ADNP: variants seen among roughly 807,000 people sequenced by gnomAD.
ADNP encodes the protein activity-dependent neuroprotector homeobox protein.
In ADNP, 4 loss-of-function variants were observed where a neutral mutation model predicts 84.9. The ratio of observed to expected loss-of-function variants is 0.05; its 90% CI spans 0.02 to 0.11. The LOEUF (loss-of-function observed/expected upper bound fraction) is 0.11, where lower values mean the gene tolerates loss of function less well. ADNP is among the 10% of genes least tolerant of loss of function. The pLI is 1.00. For synonymous variants in ADNP, 554 were observed against 468.1 expected (o/e 1.18, Z -2.37); for missense variants, 1,132 against 1,326.0 (o/e 0.85, Z 2.27).
At position 50,894,525 on chromosome 20, in the gene ADNP, C is replaced by T. The variant is rs759932155; in HGVS notation, c.202-13G>A. ...TTGTCCGATAGTCCTAAAGTAAACACAAAAACTAGAATTAGAATGCCACTT... is the reference window on the plus strand; with the variant it reads ...TTGTCCGATAGTCCTAAAGTAAACATAAAAACTAGAATTAGAATGCCACTT... On this transcript the variant is annotated splice_polypyrimidine_tract_variant and intron_variant, in intron 5 of 5. Coordinates refer to ENST00000621696, the MANE Select transcript of ADNP (RefSeq NM_001282531.3). 9.6e-6 allele frequency: 15 copies of T among 1,559,322 alleles called. No individual in the cohort carries two copies. In the Middle Eastern group the frequency reaches 5.2e-4, roughly 54 times the overall value.
chr20:50,914,002 C>G, intron 2 of ADNP: 3 of 752,498 alleles, frequency 4.0e-6, no homozygotes, highest in Non-Finnish European at 5.0e-6. Flanking sequence ...AAAAGCCCTT[C>G]TGGGAAAAGG....
intron 2 of ADNP, among the ~76,000 whole-genome samples, chr20:50,919,009 A>G (rs1442660818): frequency 1.3e-5 from 2 of 152,154 alleles, no homozygotes; most frequent in Non-Finnish European, 2.9e-5. Context: ...AAAGTTCATC[A>G]CAGGTGATTT....
chr20:50,921,309 A>G (rs1309389965), intron 2 of ADNP, among the ~76,000 whole-genome samples: 3 of 152,288 alleles, frequency 2.0e-5, no homozygotes, highest in Admixed American at 2.0e-4. Flanking sequence ...TTTTTATACA[A>G]TATTTTACAT....
In ADNP at chr20:50,889,929, G is replaced by A. The variant is rs566404407; in HGVS notation, c.*1476C>T. 27 of 397,274 alleles carry A rather than the reference G, an allele frequency of 6.8e-5. No individual in the cohort carries two copies. Among genetic ancestry groups the A allele is most frequent in the Admixed American group, 1.3e-4 (3 of 22,592 alleles). The allele number at this position is 397,274 out of a possible 1,614,324, so 24.6% of individuals were successfully genotyped here. On this transcript the variant is annotated 3_prime_UTR_variant, in exon 6 of 6. Transcript: ENST00000621696. Reference sequence around the variant, plus strand: ...CGCCTGCACTACAGTTGTTCCCATCGTAAGGTGAAAACGAACGTTTAACTT... The same window carrying A: ...CGCCTGCACTACAGTTGTTCCCATCATAAGGTGAAAACGAACGTTTAACTT...
At chr20:50,894,625 T>G in intron 5 of ADNP, 113 bp from the exon 6 acceptor site, 3 of 1,163,470 alleles carry the variant, frequency 2.6e-6, no homozygotes, top group Non-Finnish European at 3.5e-6. Flanking sequence ...CCGCGCGTGG[T>G]GGCTCACGCC....
chr20:50,919,375 T>TG (rs1198118596), intron 2 of ADNP, among the ~76,000 whole-genome samples: 1 of 148,136 alleles, frequency 6.8e-6, no homozygotes, highest in East Asian at 2.0e-4. Context: ...GAGGCTGAGG[T>TG]GGGAGAATGG....
intron 2 of ADNP, chr20:50,914,498 CTCACCT>C (rs946149175): frequency 2.7e-5 from 9 of 329,850 alleles, no homozygotes; most frequent in Non-Finnish European, 5.2e-5. Context: ...CAAATGTTTT[CTCACCT>C]TCAAAGTCTT....
At chr20:50,898,316 A>G (rs1981619139) in intron 5 of ADNP, among the ~76,000 whole-genome samples, 3 of 152,144 alleles carry the variant, frequency 2.0e-5, no homozygotes, top group Admixed American at 2.0e-4. Flanking sequence ...AGTCAATTCA[A>G]CATCACAGCC....
chr20:50,929,078 T>G (rs1176290880), intron 1 of ADNP, among the ~76,000 whole-genome samples: 3 of 152,244 alleles, frequency 2.0e-5, no homozygotes, highest in African/African-American at 7.2e-5. Context: ...ATCTACACAC[T>G]TAATCCAACA....
chr20:50,915,450 T>C (rs1179560452), intron 2 of ADNP, among the ~76,000 whole-genome samples: 1 of 152,214 alleles, frequency 6.6e-6, no homozygotes, highest in Non-Finnish European at 1.5e-5. Flanking sequence ...AGCTTTAAGA[T>C]TGAGAGCCTA....
In ADNP at chr20:50,892,738, T is replaced by C; in HGVS notation, c.1976A>G (p.Lys659Arg). 1 of 1,614,212 alleles carries C rather than the reference T, an allele frequency of 6.2e-7. No individual in the cohort carries two copies. Among genetic ancestry groups the C allele is most frequent in the Non-Finnish European group, 8.5e-7 (1 of 1,180,038 alleles). ...VIQTVHPVEK[K>R]LTYKCIHCLG... ...GCAATGGATACATTTGTAGGTGAGC[T>C]TTTTCTCAACTGGATGAACCGTCTG... Residue 659 changes from lysine to arginine, a missense_variant, in exon 6 of 6, where the codon AAG becomes AGG. Transcript: ENST00000621696.
At chr20:50,907,507 T>A (rs1267082145) in intron 2 of ADNP, among the ~76,000 whole-genome samples, 2 of 152,114 alleles carry the variant, frequency 1.3e-5, no homozygotes, top group Non-Finnish European at 2.9e-5. Flanking sequence ...CCTCAGGTGA[T>A]CCACCTGCCT....
intron 2 of ADNP, among the ~76,000 whole-genome samples, chr20:50,922,956 C>A (rs1296019657): frequency 1.3e-5 from 2 of 152,130 alleles, no homozygotes; most frequent in African/African-American, 2.4e-5. Context: ...AACACCCTCT[C>A]TCTAGAGAGG....
chr20:50,922,557 C>T (rs1201689437), intron 2 of ADNP, among the ~76,000 whole-genome samples: 4 of 148,918 alleles, frequency 2.7e-5, no homozygotes, highest in Non-Finnish European at 5.9e-5. Context: ...TCTGGAAGCT[C>T]TCTGAACCCA....
At chr20:50,900,508 T>G (rs1423650839) in intron 5 of ADNP, among the ~76,000 whole-genome samples, 1 of 152,196 alleles carries the variant, frequency 6.6e-6, no homozygotes, top group Admixed American at 6.5e-5. Context: ...AGCACAGGTG[T>G]GTTTACATTA....
intron 1 of ADNP, among the ~76,000 whole-genome samples, chr20:50,929,565 A>T (rs1451360624): frequency 5.9e-5 from 9 of 152,192 alleles, no homozygotes; most frequent in Admixed American, 5.9e-4. Context: ...TACCCAGTGC[A>T]GAGAATGCGC....
chr20:50,926,440 T>A (rs1314630761), intron 2 of ADNP, among the ~76,000 whole-genome samples: 1 of 152,252 alleles, frequency 6.6e-6, no homozygotes, highest in Non-Finnish European at 1.5e-5. Flanking sequence ...AAAAACTTCC[T>A]ATTTTTTTCT....
chr20:50,924,642 A>C (rs1984169548), intron 2 of ADNP, among the ~76,000 whole-genome samples: 1 of 152,234 alleles, frequency 6.6e-6, no homozygotes, highest in Non-Finnish European at 1.5e-5. Flanking sequence ...AGCCACCAAT[A>C]CTATAATACC....
chr20:50,890,995 T>C lies in ADNP; in HGVS notation c.*410A>G, dbSNP rs1292631552. 3.0e-6 allele frequency: 3 copies of C among 998,294 alleles called. No individual in the cohort carries two copies. The highest frequency in any genetic ancestry group is 1.7e-5 in the African/African-American group (1 of 57,722). 61.8% of individuals were successfully genotyped at this position (998,294 alleles called of 1,614,324 possible). ...ATGAATACATGAAAAAAAATCGCTT[T>C]TCCCAAAGTCTACTATACACATTAG... On this transcript the variant is annotated 3_prime_UTR_variant, in exon 6 of 6. Coordinates refer to ENST00000621696, the MANE Select transcript of ADNP (RefSeq NM_001282531.3).
Sources: allele counts gnomAD v4.1 joint callset (sites outside exome capture counted in the v4.1 genomes callset), GRCh38; gene constraint gnomAD v4.1.1; transcripts MANE v1.5; gene names NCBI Gene and HGNC (gene_info 2026-07-23, HGNC 2026-07-21).